Variants in TFCP2 observed in about 807,000 individuals in gnomAD.
The protein encoded by TFCP2 is alpha-globin transcription factor CP2.
TFCP2 carries 33 observed loss-of-function variants against 73.4 expected under a neutral mutation model. The observed-to-expected ratio is 0.45, with a 90% CI of 0.34 to 0.60. The LOEUF is 0.60. TFCP2 is among the 20% of genes least tolerant of loss of function. The probability of loss-of-function intolerance (pLI) is 0.01; values close to 1 mark genes in which losing one functional copy is unlikely to be tolerated. For missense variants in TFCP2, 352 were observed against 604.0 expected, an observed-to-expected ratio of 0.58 and a Z score of 4.37; for synonymous variants, 193 against 211.6, an observed-to-expected ratio of 0.91 and a Z score of 0.76.
At chr12:51,151,657 C>T (rs1941429488) in intron 1 of TFCP2, among the ~76,000 whole-genome samples, 1 of 152,040 alleles carries the variant, frequency 6.6e-6, no homozygotes, top group Non-Finnish European at 1.5e-5. Context: ...AGGATGCTCT[C>T]GATCTCCTGA....
intron 4 of TFCP2, among the ~76,000 whole-genome samples, chr12:51,115,788 C>T (rs893099539): frequency 2.0e-5 from 3 of 152,134 alleles, no homozygotes; most frequent in Non-Finnish European, 4.4e-5. Flanking sequence ...TGAAAAATGC[C>T]AGTCACAAAA....
At chr12:51,143,447 A>G in intron 1 of TFCP2, among the ~76,000 whole-genome samples, 1 of 151,034 alleles carries the variant, frequency 6.6e-6, no homozygotes, top group East Asian at 1.9e-4. Flanking sequence ...TATCTATAAA[A>G]TATATCTTGA....
chr12:51,109,346 C>T, intron 5 of TFCP2, 73 bp from the exon 6 acceptor site: 1 of 1,518,516 alleles, frequency 6.6e-7, no homozygotes, highest in Non-Finnish European at 9.1e-7. Flanking sequence ...TTTTTAGCAA[C>T]TATTAACAGC....
intron 1 of TFCP2, among the ~76,000 whole-genome samples, chr12:51,134,217 CAT>C: frequency 6.6e-6 from 1 of 152,166 alleles, no homozygotes; most frequent in East Asian, 1.9e-4. Context: ...TACACACATA[CAT>C]ATGTTTGTGC....
At chr12:51,169,647 C>T (rs1941821977) in intron 1 of TFCP2, among the ~76,000 whole-genome samples, 1 of 152,062 alleles carries the variant, frequency 6.6e-6, no homozygotes, top group Non-Finnish European at 1.5e-5. Flanking sequence ...CACTTGAGCC[C>T]GGGAGATGGA....
At position 51,111,518 on chromosome 12, in the gene TFCP2, G is replaced by A. The variant is rs1409110975; in HGVS notation, c.458-535C>T. ...AAATTGACTTAAGTACTTTGCTTGA[G>A]CACCTTTTTTCCTCTTTAAAAAGTT... On this transcript the variant is annotated intron_variant, in intron 4 of 14. Transcript: ENST00000257915. Among the ~76,000 whole-genome samples the A allele has an allele frequency of 4.6e-5, 7 of 152,018 alleles. No individual in the cohort carries two copies. The East Asian group carries it at 1.2e-3, about 25-fold the overall frequency.
intron 1 of TFCP2, among the ~76,000 whole-genome samples, chr12:51,163,864 C>T (rs992307532): frequency 6.6e-6 from 1 of 151,930 alleles, no homozygotes; most frequent in African/African-American, 2.4e-5. Flanking sequence ...CTGGACCCAA[C>T]CAAAGGGAGG....
intron 1 of TFCP2, among the ~76,000 whole-genome samples, chr12:51,164,741 G>C (rs1282661551): frequency 6.6e-6 from 1 of 151,850 alleles, no homozygotes; most frequent in Non-Finnish European, 1.5e-5. Flanking sequence ...GATTATAAGA[G>C]AATACTGTGA....
chr12:51,119,780 A>G (rs985511709), intron 1 of TFCP2, among the ~76,000 whole-genome samples: 1 of 152,120 alleles, frequency 6.6e-6, no homozygotes. Context: ...AAAAAATTAA[A>G]TTAAATTAAC....
intron 4 of TFCP2, 139 bp downstream of exon 4, chr12:51,116,176 T>C: frequency 2.3e-6 from 1 of 428,562 alleles, no homozygotes; most frequent in Non-Finnish European, 4.2e-6. Context: ...TAAAATTTTT[T>C]ATGCTTAGTA....
In TFCP2 at chr12:51,142,767, A is replaced by G. The variant is rs535658641; in HGVS notation, c.123-23995T>C. Among the ~76,000 whole-genome samples, 34 of 152,304 alleles carry G rather than the reference A, an allele frequency of 2.2e-4. No homozygotes were observed. In the South Asian group the frequency reaches 6.6e-3, roughly 30 times the overall value. On this transcript the variant is annotated intron_variant, in intron 1 of 14. Transcript: ENST00000257915. ...CTTCTCTGTACCTTTCATAACTAAA[A>G]GTCTTTATACACAGAATCTCTATTT...
chr12:51,101,366 A>C (rs1306653958), intron 11 of TFCP2, among the ~76,000 whole-genome samples: 2 of 152,058 alleles, frequency 1.3e-5, no homozygotes, highest in Non-Finnish European at 2.9e-5. Context: ...CTCCAGTTAA[A>C]ACCAACTTGG....
intron 1 of TFCP2, among the ~76,000 whole-genome samples, chr12:51,123,453 A>G (rs1398844707): frequency 6.6e-6 from 1 of 152,252 alleles, no homozygotes; most frequent in East Asian, 1.9e-4. Context: ...TGGAAATACA[A>G]AAGTCTGCTC....
At chr12:51,136,375 A>G (rs2137009704) in intron 1 of TFCP2, among the ~76,000 whole-genome samples, 1 of 152,156 alleles carries the variant, frequency 6.6e-6, no homozygotes, top group East Asian at 1.9e-4. Flanking sequence ...CTAAATTTCT[A>G]TCTCTTCACA....
At chr12:51,118,389 C>G (rs1940584197) in intron 2 of TFCP2, among the ~76,000 whole-genome samples, 1 of 152,104 alleles carries the variant, frequency 6.6e-6, no homozygotes, top group East Asian at 1.9e-4. Context: ...CCTATCTCTA[C>G]TAAAAATACA....
At chr12:51,140,126 A>G (rs1941154666) in intron 1 of TFCP2, among the ~76,000 whole-genome samples, 1 of 152,210 alleles carries the variant, frequency 6.6e-6, no homozygotes, top group East Asian at 1.9e-4. Context: ...CCTGAGGGGA[A>G]AAATAAATAA....
chr12:51,139,614 A>G (rs1169914232), intron 1 of TFCP2, among the ~76,000 whole-genome samples: 1 of 151,994 alleles, frequency 6.6e-6, no homozygotes, highest in East Asian at 1.9e-4. Context: ...CTGGCCTCTC[A>G]GGATCCTCCT....
chr12:51,150,342 C>T (rs781041680), intron 1 of TFCP2, among the ~76,000 whole-genome samples: 14 of 151,868 alleles, frequency 9.2e-5, no homozygotes, highest in Admixed American at 2.0e-4. Flanking sequence ...CGTTTGAACT[C>T]GGGAGGCGGA....
At position 51,095,121 on chromosome 12, in the gene TFCP2, C is replaced by T. The variant is rs1939922236; in HGVS notation, c.*120G>A. ...TGCCTCCATGGCCTGGACTCCTCCA[C>T]ACACAGTCAGACGAGTCAGGTTCTT... is the stretch of plus-strand genomic sequence containing the variant. On this transcript the variant is annotated 3_prime_UTR_variant, in exon 15 of 15. Transcript: ENST00000257915. 5.2e-6 allele frequency: 6 copies of T among 1,157,016 alleles called. No homozygotes were observed. Among genetic ancestry groups the T allele is most frequent in the South Asian group, 1.2e-5 (1 of 80,946 alleles). The allele number at this position is 1,157,016 out of a possible 1,614,324, so 71.7% of individuals were successfully genotyped here.
Sources: allele counts gnomAD v4.1 joint callset (sites outside exome capture counted in the v4.1 genomes callset), GRCh38; gene constraint gnomAD v4.1.1; transcripts MANE v1.5; gene names NCBI Gene and HGNC (gene_info 2026-07-23, HGNC 2026-07-21).